UQCRC1: variants seen among roughly 807,000 people sequenced by gnomAD.
UQCRC1 encodes ubiquinol-cytochrome c reductase core protein 1.
In UQCRC1, 34 loss-of-function variants were observed where a neutral mutation model predicts 58.0. The ratio of observed to expected loss-of-function variants is 0.59; its 90% CI spans 0.45 to 0.78. The LOEUF (loss-of-function observed/expected upper bound fraction) is 0.78. Ranked by LOEUF, UQCRC1 falls within the 30% of genes least tolerant of loss-of-function variation. The pLI is 0.00. For synonymous variants in UQCRC1, 276 were observed against 248.8 expected (o/e 1.11, Z -1.03); for missense variants, 610 against 646.0 (o/e 0.94, Z 0.60).
rs552561869 is a variant in UQCRC1, at chr3:48,600,570, A to C, written c.1128-3T>G. 6 of 1,614,098 alleles carry C rather than the reference A, an allele frequency of 3.7e-6. No homozygotes were observed. The highest frequency in any genetic ancestry group is 5.1e-6 in the Non-Finnish European group (6 of 1,180,016). On this transcript the variant is annotated splice_region_variant and splice_polypyrimidine_tract_variant and intron_variant, in intron 9 of 12. Coordinates refer to ENST00000203407, the MANE Select transcript of UQCRC1 (RefSeq NM_003365.3). ...TGGCACTGGTACACAGGCGCATCCT[A>C]AAGTGGGGGGGTGGGTGGTATTCAT...
rs564951346 is a variant in UQCRC1 at position 48,603,619 on chromosome 3, G to A, written c.651C>T (p.Thr217=). ...CCTTGTAATGTGTGCTGAGGTACTC[G>A]GTCAAGTCTGCACGAGACAGCTTCC... ...NVRKLSRADL[T]EYLSTHYKAP... The change falls in exon 6 of 13, where the codon ACC becomes ACT. Residue 217 remains threonine, a synonymous_variant. Coordinates refer to ENST00000203407, the MANE Select transcript of UQCRC1 (RefSeq NM_003365.3). The A allele has an allele frequency of 1.7e-5, 28 of 1,613,926 alleles. No individual in the cohort carries two copies. In the South Asian group the frequency reaches 2.0e-4, roughly 11 times the overall value.
intron 2 of UQCRC1, among the ~76,000 whole-genome samples, chr3:48,607,125 T>C (rs2046420791): frequency 2.0e-5 from 3 of 152,052 alleles, no homozygotes; most frequent in Non-Finnish European, 4.4e-5. Flanking sequence ...CACTGCAAGC[T>C]CTGCCTCCCA....
chr3:48,600,353 G>A, intron 10 of UQCRC1, 129 bp downstream of exon 10: 1 of 1,203,594 alleles, frequency 8.3e-7, no homozygotes. Context: ...TCCAAGGGTG[G>A]GGTGATGGGG....
Position 48,605,843 on chromosome 3 carries a change from A to G in UQCRC1, c.224T>C (p.Ile75Thr). The G allele has an allele frequency of 6.2e-7, 1 of 1,613,922 alleles. No individual in the cohort carries two copies. Among genetic ancestry groups the G allele is most frequent in the Non-Finnish European group, 8.5e-7 (1 of 1,179,938 alleles). The change falls in exon 3 of 13, where the codon ATT (isoleucine) becomes ACT (threonine). Residue 75 changes from isoleucine to threonine, a missense_variant. By Grantham distance (89) the Ile-to-Thr change is moderately conservative. Coordinates refer to ENST00000203407, the MANE Select transcript of UQCRC1 (RefSeq NM_003365.3). ...AGTCTCAAAACGGCTGCCAACATCA[A>G]TCCACACTCCCACCTGGTCAAGAAG... ...SQPTCTVGVW[I>T]DVGSRFETEK...
chr3:48,600,434 C>T (rs768689935), intron 10 of UQCRC1, 48 bp downstream of exon 10: 41 of 1,606,874 alleles, frequency 2.6e-5, no homozygotes, highest in Admixed American at 6.7e-5. Flanking sequence ...TTGGTGCTGT[C>T]GCTGGCAAGA....
chr3:48,607,893 C>T (rs992325840), intron 2 of UQCRC1, among the ~76,000 whole-genome samples: 3 of 151,828 alleles, frequency 2.0e-5, no homozygotes, highest in Non-Finnish European at 4.4e-5. Flanking sequence ...GGCTCCATCT[C>T]GGCTCACTGC....
intron 1 of UQCRC1, 27 bp downstream of exon 1, chr3:48,609,525 A>T (rs781542889): frequency 6.4e-7 from 1 of 1,551,884 alleles, no homozygotes; most frequent in South Asian, 1.2e-5. Flanking sequence ...CCTGTCCCGA[A>T]GCCCCGCGCT....
rs768445868 is a variant in UQCRC1 at position 48,609,627 on chromosome 3, G to T, written c.-7C>A. 3 of 1,561,934 alleles carry T rather than the reference G, an allele frequency of 1.9e-6. No homozygotes were observed. The highest frequency in any genetic ancestry group is 2.6e-6 in the Non-Finnish European group (3 of 1,157,248). ...AGACCACGGACGCCGCCATCTTCCA[G>T]CTGCAGTCGGCCCTGTTGCGCCGCG... On this transcript the variant is annotated 5_prime_UTR_variant, in exon 1 of 13. It adds an upstream start codon to the 5' untranslated region. Coordinates refer to ENST00000203407, the MANE Select transcript of UQCRC1 (RefSeq NM_003365.3).
chr3:48,604,307 A>G lies in UQCRC1; in HGVS notation c.552T>C (p.Phe184=). The part of the protein sequence containing the change: ...ENDASMRDVV[F]NYLHATAFQG... ...GGAATGCTGTGGCATGCAGGTAGTT[A>G]AAGACCACATCTCGCATAGATGCAT... is the stretch of plus-strand genomic sequence containing the variant. The change falls in exon 5 of 13, where the codon TTT becomes TTC. Residue 184 remains phenylalanine, a synonymous_variant. Coordinates refer to ENST00000203407, the MANE Select transcript of UQCRC1 (RefSeq NM_003365.3). The G allele has an allele frequency of 6.2e-7, 1 of 1,613,962 alleles. No homozygotes were observed. Among genetic ancestry groups the G allele is most frequent in the South Asian group, 1.1e-5 (1 of 91,080 alleles).
In UQCRC1 at chr3:48,605,778, C is replaced by T. The variant is rs767546042; in HGVS notation, c.289G>A (p.Ala97Thr). ...GACTTTAAGAGCCTCACCTTGAAAG[C>T]CAGATGCTCCAAAAAGTAGCCTGCC... ...NGAGYFLEHL[A>T]FKGTKNRPGS... is the part of the protein sequence containing the mutation. Residue 97 changes from alanine to threonine, a missense_variant, in exon 3 of 13, where the codon GCT becomes ACT. Ala to Thr is a moderately conservative substitution (Grantham distance 58). Coordinates refer to ENST00000203407, the MANE Select transcript of UQCRC1 (RefSeq NM_003365.3). 1.2e-6 allele frequency: 2 copies of T among 1,613,396 alleles called. No homozygotes were observed. The highest frequency in any genetic ancestry group is 1.7e-5 in the Admixed American group (1 of 59,900).
Position 48,604,248 on chromosome 3 carries a change from G to C in UQCRC1, c.611C>G (p.Pro204Arg), listed in dbSNP as rs1186617483. ...CAACTCTCACCTGACATTCTCACTGGGCCCCTCCACAGCCTGGGCTAGAGG... is the reference window on the plus strand; with the variant it reads ...CAACTCTCACCTGACATTCTCACTGCGCCCCTCCACAGCCTGGGCTAGAGG... ...GTPLAQAVEG[P>R]SENVRKLSRA... The change falls in exon 5 of 13, where the codon CCC becomes CGC. Residue 204 changes from proline to arginine, a missense_variant. Coordinates refer to ENST00000203407, the MANE Select transcript of UQCRC1 (RefSeq NM_003365.3). 3 of 1,612,580 alleles carry C rather than the reference G, an allele frequency of 1.9e-6. No individual in the cohort carries two copies. Among genetic ancestry groups the C allele is most frequent in the Admixed American group, 3.3e-5 (2 of 60,024 alleles).
chr3:48,605,216 G>A (rs550644501), intron 3 of UQCRC1, among the ~76,000 whole-genome samples: 104 of 152,270 alleles, frequency 6.8e-4, no homozygotes, highest in Non-Finnish European at 1.3e-3. Context: ...GCCTCTGTGG[G>A]ACCCAATCCT....
In UQCRC1 at chr3:48,601,465, C is replaced by T. The variant is rs1249447436; in HGVS notation, c.709G>A (p.Val237Met). 4 of 1,613,704 alleles carry T rather than the reference C, an allele frequency of 2.5e-6. No homozygotes were observed. The East Asian group carries it at 6.7e-5, about 27-fold the overall frequency. The change falls in exon 7 of 13, where the codon GTG (valine) becomes ATG (methionine). Residue 237 changes from valine to methionine, a missense_variant and splice_region_variant. Physicochemically the swap from Val to Met is conservative, Grantham distance 21. Transcript: ENST00000203407. ...AGGTCTAACAGTTGCTGGTGCTCCACTCCTGCTGAGACAGACAGTGGCATT... is the reference window on the plus strand; with the variant it reads ...AGGTCTAACAGTTGCTGGTGCTCCATTCCTGCTGAGACAGACAGTGGCATT... Reference protein sequence around the residue: ...PRMVLAAAGGVEHQQLLDLAQ... With the variant: ...PRMVLAAAGGMEHQQLLDLAQ...
chr3:48,609,485 A>C, intron 1 of UQCRC1, 67 bp downstream of exon 1: 1 of 1,534,194 alleles, frequency 6.5e-7, no homozygotes, highest in Non-Finnish European at 8.7e-7. Flanking sequence ...TGCCACTGCT[A>C]ACAGCCCACA....
chr3:48,605,783 T>C lies in UQCRC1; in HGVS notation c.284A>G (p.His95Arg), dbSNP rs75795944. The part of the protein sequence containing the change: ...KNNGAGYFLE[H>R]LAFKGTKNRP... ...TAAGAGCCTCACCTTGAAAGCCAGATGCTCCAAAAAGTAGCCTGCCCCATT... is the reference window on the plus strand; with the variant it reads ...TAAGAGCCTCACCTTGAAAGCCAGACGCTCCAAAAAGTAGCCTGCCCCATT... Residue 95 changes from histidine (H) to arginine (R), a missense_variant, in exon 3 of 13, where the codon CAT becomes CGT. By Grantham distance (29) the His-to-Arg change is conservative (BLOSUM62 0). Coordinates refer to ENST00000203407, the MANE Select transcript of UQCRC1 (RefSeq NM_003365.3). 1 of 1,613,632 alleles carries C rather than the reference T, an allele frequency of 6.2e-7. No individual in the cohort carries two copies. Among genetic ancestry groups the C allele is most frequent in the Admixed American group, 1.7e-5 (1 of 59,940 alleles).
At position 48,599,102 on chromosome 3, in the gene UQCRC1, C is replaced by A. The variant is rs1320905065; in HGVS notation, c.*26G>T. ...GGGGGGACCACAAACCCCGGCCCTG[C>A]CCTCTTGCTTACATAGGCTTCCCGC... On this transcript the variant is annotated 3_prime_UTR_variant, in exon 13 of 13. Transcript: ENST00000203407. The A allele has an allele frequency of 6.2e-7, 1 of 1,611,176 alleles. No homozygotes were observed. Among genetic ancestry groups the A allele is most frequent in the Non-Finnish European group, 8.5e-7 (1 of 1,178,594 alleles).
intron 2 of UQCRC1, 94 bp from the exon 3 acceptor site, chr3:48,605,950 A>G: frequency 8.0e-7 from 1 of 1,246,110 alleles, no homozygotes; most frequent in Non-Finnish European, 1.1e-6. Flanking sequence ...AGCCCCAGGC[A>G]GGGACTTATG....
intron 2 of UQCRC1, 150 bp downstream of exon 2, chr3:48,609,012 T>G (rs1161602975): frequency 9.6e-7 from 1 of 1,045,804 alleles, no homozygotes. Flanking sequence ...GTGGCTAGGG[T>G]AGGGAATGGG....
rs1433359985 is a variant in UQCRC1, at chr3:48,609,308, G to A, written c.70-6C>T. On this transcript the variant is annotated splice_region_variant and splice_polypyrimidine_tract_variant and intron_variant, in intron 1 of 12. Coordinates refer to ENST00000203407, the MANE Select transcript of UQCRC1 (RefSeq NM_003365.3). ...GGCGTCCGCAGCAGGGCCGGCTGTG[G>A]AAGGGAACAGCCGCGAGTGAGGACT... 1 of 1,605,118 alleles carries A rather than the reference G, an allele frequency of 6.2e-7. No homozygotes were observed. Among genetic ancestry groups the A allele is most frequent in the Non-Finnish European group, 8.5e-7 (1 of 1,174,246 alleles).
Sources: allele counts gnomAD v4.1 joint callset (sites outside exome capture counted in the v4.1 genomes callset), GRCh38; gene constraint gnomAD v4.1.1; transcripts MANE v1.5; gene names NCBI Gene and HGNC (gene_info 2026-07-23, HGNC 2026-07-21).